The following MAP4K3 variants were observed in gnomAD, a reference collection of about 807,000 sequenced individuals.
MAP4K3 encodes the protein mitogen-activated protein kinase kinase kinase kinase 3, also known as MAPK/ERK kinase kinase kinase 3.
MAP4K3 carries 94 observed loss-of-function variants against 143.5 expected under a neutral mutation model. The observed-to-expected ratio is 0.65, with a 90% CI of 0.55 to 0.78. The LOEUF is 0.78. Ranked by LOEUF, MAP4K3 falls within the 30% of genes least tolerant of loss-of-function variation. MAP4K3 has a pLI of 0.00. For synonymous variants in MAP4K3, 416 were observed against 347.2 expected (o/e 1.20, Z -2.20); for missense variants, 1,077 against 1,068.1 (o/e 1.01, Z -0.12).
chr2:39,250,328 C>T lies in MAP4K3; in HGVS notation c.*290G>A, dbSNP rs1213608743. The T allele has an allele frequency of 1.1e-5, 3 of 283,958 alleles. No individual in the cohort carries two copies. The highest frequency in any genetic ancestry group is 2.0e-5 in the Non-Finnish European group (3 of 150,986). 17.6% of individuals were successfully genotyped at this position (283,958 alleles called of 1,614,324 possible). On this transcript the variant is annotated 3_prime_UTR_variant, in exon 34 of 34. Transcript: ENST00000263881. ...TGTACATCTCATAAAAGTACATTAT[C>T]TACATAAATTCTTAGTGTATGTCTT...
chr2:39,298,534 T>TA (rs977036820), intron 16 of MAP4K3, among the ~76,000 whole-genome samples: 7 of 152,254 alleles, frequency 4.6e-5, no homozygotes, highest in Non-Finnish European at 7.4e-5. Context: ...TTTAGTTTAT[T>TA]AAAAAAAGAG....
chr2:39,430,777 C>T (rs562877685), intron 1 of MAP4K3, among the ~76,000 whole-genome samples: 1 of 152,152 alleles, frequency 6.6e-6, no homozygotes, highest in South Asian at 2.1e-4. Flanking sequence ...ATACATTAAC[C>T]CTACTGATTA....
intron 1 of MAP4K3, among the ~76,000 whole-genome samples, chr2:39,405,472 G>T (rs569518642): frequency 2.0e-5 from 3 of 152,234 alleles, no homozygotes; most frequent in African/African-American, 7.2e-5. Context: ...GCCCAGACTA[G>T]AAAGACTACA....
chr2:39,284,503 ACT>A (rs1169738529), intron 21 of MAP4K3, among the ~76,000 whole-genome samples: 1 of 151,996 alleles, frequency 6.6e-6, no homozygotes, highest in East Asian at 1.9e-4. Flanking sequence ...GAGTGTTATA[ACT>A]CTCAGATTTA....
At chr2:39,388,939 A>G (rs1558681958) in intron 1 of MAP4K3, among the ~76,000 whole-genome samples, 1 of 152,234 alleles carries the variant, frequency 6.6e-6, no homozygotes, top group Non-Finnish European at 1.5e-5. Context: ...TATCAAGCAT[A>G]AAAGGAAACA....
chr2:39,251,768 T>G (rs1359440333), intron 33 of MAP4K3, 62 bp downstream of exon 33: 2 of 1,338,908 alleles, frequency 1.5e-6, no homozygotes, highest in Admixed American at 1.8e-5. Context: ...AAGAAATCTG[T>G]TTCATGCTGG....
At chr2:39,298,998 TCTGA>T (rs1252247323) in intron 16 of MAP4K3, among the ~76,000 whole-genome samples, 3 of 151,970 alleles carry the variant, frequency 2.0e-5, no homozygotes, top group South Asian at 2.1e-4. Flanking sequence ...TTTAACTTGT[TCTGA>T]CTATTAAAAT....
intron 3 of MAP4K3, 45 bp from the exon 4 acceptor site, chr2:39,343,497 CT>C: frequency 6.6e-7 from 1 of 1,507,926 alleles, no homozygotes; most frequent in Non-Finnish European, 9.2e-7. Context: ...ATGATTAAAA[CT>C]GTCTGTGTGA....
At chr2:39,333,434 T>C (rs1683745711) in intron 7 of MAP4K3, 98 bp downstream of exon 7, 1 of 886,080 alleles carries the variant, frequency 1.1e-6, no homozygotes, top group Non-Finnish European at 1.9e-6. Context: ...ACAGATGCCG[T>C]CTTAGGAGAG....
At chr2:39,254,577 C>T (rs371274220) in intron 31 of MAP4K3, 57 bp from the exon 32 acceptor site, 2 of 1,258,440 alleles carry the variant, frequency 1.6e-6, no homozygotes, top group Non-Finnish European at 2.3e-6. Context: ...AACTGATAAG[C>T]ATCATTTCAT....
At chr2:39,351,011 T>C (rs1665442011) in intron 3 of MAP4K3, among the ~76,000 whole-genome samples, 1 of 152,184 alleles carries the variant, frequency 6.6e-6, no homozygotes, top group Non-Finnish European at 1.5e-5. Flanking sequence ...TATTACACTA[T>C]TTACATAGCA....
chr2:39,299,203 G>A (rs1344170744), intron 16 of MAP4K3, among the ~76,000 whole-genome samples: 1 of 152,022 alleles, frequency 6.6e-6, no homozygotes, highest in East Asian at 1.9e-4. Context: ...AAACCTCTGT[G>A]CCTCTATCAA....
intron 12 of MAP4K3, among the ~76,000 whole-genome samples, chr2:39,325,261 G>A (rs1183818931): frequency 6.6e-6 from 1 of 152,126 alleles, no homozygotes; most frequent in Non-Finnish European, 1.5e-5. Flanking sequence ...TAACTACAGT[G>A]ATTTCAACAA....
chr2:39,274,219 C>CTT (rs201438993), intron 24 of MAP4K3, among the ~76,000 whole-genome samples: 7 of 144,400 alleles, frequency 4.8e-5, no homozygotes, highest in African/African-American at 1.5e-4. Flanking sequence ...TTCTTTCTCT[C>CTT]TCTTTTTTTT....
chr2:39,287,400 C>T (rs113426165), intron 20 of MAP4K3, among the ~76,000 whole-genome samples: 4,923 of 151,680 alleles, frequency 0.032, 130 homozygotes, highest in Non-Finnish European at 0.042. Context: ...TTCAAGCAAG[C>T]GATTCTCCTG....
chr2:39,292,640 G>T (rs1682096090), intron 18 of MAP4K3, 133 bp downstream of exon 18: 2 of 752,668 alleles, frequency 2.7e-6, no homozygotes, highest in Non-Finnish European at 4.7e-6. Context: ...TAGAAAAAAG[G>T]AAGGAAACTG....
chr2:39,293,381 T>C, intron 16 of MAP4K3, 113 bp from the exon 17 acceptor site: 1 of 705,254 alleles, frequency 1.4e-6, no homozygotes, highest in Admixed American at 3.2e-5. Context: ...ATTACTTTTT[T>C]ACCATTTACT....
intron 2 of MAP4K3, among the ~76,000 whole-genome samples, chr2:39,368,282 C>T (rs183205793): frequency 1.3e-5 from 2 of 151,952 alleles, no homozygotes; most frequent in Non-Finnish European, 2.9e-5. Flanking sequence ...AAATAGAGCA[C>T]GGTGTAGATT....
chr2:39,404,815 T>G (rs1027649435), intron 1 of MAP4K3, among the ~76,000 whole-genome samples: 2 of 152,010 alleles, frequency 1.3e-5, no homozygotes, highest in Non-Finnish European at 2.9e-5. Flanking sequence ...GAGACGGGGT[T>G]TCTCCATGTT....
Sources: allele counts gnomAD v4.1 joint callset (sites outside exome capture counted in the v4.1 genomes callset), GRCh38; gene constraint gnomAD v4.1.1; transcripts MANE v1.5; gene names NCBI Gene and HGNC (gene_info 2026-07-23, HGNC 2026-07-21).